MTUS2: variants seen among roughly 807,000 people sequenced by gnomAD.
MTUS2 encodes the protein microtubule associated scaffold protein 2, also known as microtubule-associated tumor suppressor candidate 2.
A neutral mutation model predicts 114.1 loss-of-function variants in MTUS2; 40 were observed. The ratio of observed to expected loss-of-function variants is 0.35; its 90% CI spans 0.27 to 0.46. MTUS2 has a LOEUF of 0.46. Ranked by LOEUF, MTUS2 falls within the 20% of genes least tolerant of loss-of-function variation. MTUS2 has a pLI of 1.00. For synonymous variants in MTUS2, 688 were observed against 672.0 expected (o/e 1.02, Z -0.37); for missense variants, 1,679 against 1,705.4 (o/e 0.98, Z 0.27).
chr13:29,120,774 A>G (rs772221391), intron 5 of MTUS2, among the ~76,000 whole-genome samples: 2 of 152,178 alleles, frequency 1.3e-5, no homozygotes, highest in African/African-American at 2.4e-5. Flanking sequence ...TCCCTCTATT[A>G]TTGAATTCAG....
In MTUS2 at chr13:29,105,649, G is replaced by GTT. The variant is rs71090225; in HGVS notation, c.2644+4685_2644+4686dup. On this transcript the variant is annotated intron_variant, in intron 5 of 15. Transcript: ENST00000612955. Reference sequence around the variant, plus strand: ...AAAAAAAATTAGAAGTTTTTCTCCTGTTTTTTTCTTTTTTTCCTGGTGCAC... The same window carrying GTT: ...AAAAAAAATTAGAAGTTTTTCTCCTGTTTTTTTTTCTTTTTTTCCTGGTGCAC... Among the ~76,000 whole-genome samples the GTT allele has an allele frequency of 4.1e-3, 394 of 96,502 alleles. 1 individual carries two copies. The highest frequency in any genetic ancestry group is 9.8e-3 in the Middle Eastern group (2 of 204). The allele number at this position is 96,502 out of a possible 152,430, so 63.3% of individuals were successfully genotyped here. A position where few individuals can be genotyped will look rare whatever the true frequency, so the allele number is the denominator to read the frequency against.
intron 5 of MTUS2, among the ~76,000 whole-genome samples, chr13:29,208,867 A>G (rs892599951): frequency 1.3e-5 from 2 of 152,098 alleles, no homozygotes; most frequent in African/African-American, 4.8e-5. Flanking sequence ...TCTATCTTGG[A>G]GAATGTTCCA....
intron 5 of MTUS2, among the ~76,000 whole-genome samples, chr13:29,154,815 T>C (rs9551607): frequency 0.16 from 23,983 of 152,252 alleles, 3,691 homozygotes; most frequent in African/African-American, 0.41. Flanking sequence ...GTGGATTTGC[T>C]TCACAATTCA....
intron 2 of MTUS2, among the ~76,000 whole-genome samples, chr13:28,891,039 G>GTT (rs1210278309): frequency 4.6e-5 from 7 of 152,278 alleles, no homozygotes; most frequent in African/African-American, 1.7e-4. Context: ...GCCCTACAAA[G>GTT]TGTCAGTTTT....
intron 5 of MTUS2, among the ~76,000 whole-genome samples, chr13:29,221,279 T>C (rs1463041760): frequency 6.6e-6 from 1 of 152,258 alleles, no homozygotes; most frequent in Admixed American, 6.5e-5. Flanking sequence ...GTTAGTATAT[T>C]GTTCTTACCT....
At chr13:28,933,752 T>C (rs9550422) in intron 2 of MTUS2, among the ~76,000 whole-genome samples, 12,755 of 152,086 alleles carry the variant, frequency 0.084, 600 homozygotes, top group South Asian at 0.13. Context: ...AGGAAACAAA[T>C]GCTCAGGGTC....
intron 2 of MTUS2, among the ~76,000 whole-genome samples, chr13:28,980,369 C>T (rs1165256320): frequency 3.9e-5 from 6 of 152,156 alleles, no homozygotes; most frequent in African/African-American, 1.2e-4. Context: ...ACCCTGTTTT[C>T]GTTTGCCTCA....
chr13:28,820,130 C>T (rs975845023), upstream of MTUS2, among the ~76,000 whole-genome samples: 4 of 146,936 alleles, frequency 2.7e-5, no homozygotes, highest in Non-Finnish European at 4.5e-5. Context: ...CGGCCGCCGG[C>T]CCCGCGGCTT....
At chr13:29,000,747 A>G (rs1885348803) in intron 2 of MTUS2, among the ~76,000 whole-genome samples, 1 of 152,202 alleles carries the variant, frequency 6.6e-6, no homozygotes, top group Non-Finnish European at 1.5e-5. Context: ...TTGACCTCAC[A>G]TCTGAGCCAT....
At position 29,422,452 on chromosome 13, in the gene MTUS2, T is replaced by C. The variant is rs1317807538; in HGVS notation, c.3118-17531T>C. Reference sequence around the variant, plus strand: ...GGTAGGTAATGCTTATCATTAGTTATTGCTCCAAAACACAGTGTTCATAAA... The same window carrying C: ...GGTAGGTAATGCTTATCATTAGTTACTGCTCCAAAACACAGTGTTCATAAA... On this transcript the variant is annotated intron_variant, in intron 8 of 15. Transcript: ENST00000612955. Among the ~76,000 whole-genome samples, 6 of 152,326 alleles carry C rather than the reference T, an allele frequency of 3.9e-5. No homozygotes were observed. In the East Asian group the frequency reaches 1.2e-3, roughly 29 times the overall value.
chr13:29,220,181 A>G (rs953082696), intron 5 of MTUS2, among the ~76,000 whole-genome samples: 1 of 151,866 alleles, frequency 6.6e-6, no homozygotes, highest in Non-Finnish European at 1.5e-5. Context: ...TTTTTTTTTA[A>G]GTAGAGATGG....
At chr13:29,346,004 C>A (rs964197668) in intron 7 of MTUS2, among the ~76,000 whole-genome samples, 2 of 152,222 alleles carry the variant, frequency 1.3e-5, no homozygotes, top group Non-Finnish European at 2.9e-5. Flanking sequence ...CCTCTGATGT[C>A]ATCTGTCTTC....
rs138152885 is a variant in MTUS2, at chr13:29,351,860, C to T, written c.2906-7402C>T. 6.8e-3 allele frequency among the ~76,000 whole-genome samples: 1,030 copies of T among 152,012 alleles called. 13 individuals carry two copies. The highest frequency in any genetic ancestry group is 0.034 in the South Asian group (163 of 4,790). ...AAACACCTGAGCTCAAGCCATCGTC[C>T]CGCCTTGGCCTCTCAAAGTGCTGGG... On this transcript the variant is annotated intron_variant, in intron 7 of 15. Coordinates refer to ENST00000612955, the MANE Select transcript of MTUS2 (RefSeq NM_001033602.4).
At chr13:28,925,899 GA>G (rs1881302942) in intron 2 of MTUS2, among the ~76,000 whole-genome samples, 1 of 152,192 alleles carries the variant, frequency 6.6e-6, no homozygotes, top group Non-Finnish European at 1.5e-5. Flanking sequence ...ATGACTATGG[GA>G]ATTAGAATAC....
chr13:29,107,693 A>T (rs1366947289), intron 5 of MTUS2, among the ~76,000 whole-genome samples: 1 of 152,174 alleles, frequency 6.6e-6, no homozygotes, highest in Non-Finnish European at 1.5e-5. Context: ...CCTTGGATAT[A>T]CTTAATTGTT....
chr13:29,050,745 G>A (rs1398491737), intron 4 of MTUS2, among the ~76,000 whole-genome samples: 1 of 152,218 alleles, frequency 6.6e-6, no homozygotes, highest in Non-Finnish European at 1.5e-5. Context: ...TTGAGAATAT[G>A]CCATGTTGGT....
At position 29,359,171 on chromosome 13, in the gene MTUS2, T is replaced by C. The variant is rs1870013539; in HGVS notation, c.2906-91T>C. Reference sequence around the variant, plus strand: ...CGTGGGCAATTTCTTCTCTACCACTTGAAGAACTCCTTGTGTAATAAGAAG... The same window carrying C: ...CGTGGGCAATTTCTTCTCTACCACTCGAAGAACTCCTTGTGTAATAAGAAG... On this transcript the variant is annotated intron_variant, in intron 7 of 15. Transcript: ENST00000612955. 3.2e-6 allele frequency: 4 copies of C among 1,235,390 alleles called. No individual in the cohort carries two copies. In the Admixed American group the frequency reaches 1.1e-4, roughly 35 times the overall value. 76.5% of individuals were successfully genotyped at this position (1,235,390 alleles called of 1,614,324 possible).
chr13:29,198,415 T>C (rs753155241), intron 5 of MTUS2, among the ~76,000 whole-genome samples: 18 of 152,192 alleles, frequency 1.2e-4, no homozygotes, highest in Non-Finnish European at 2.9e-5. Flanking sequence ...CTCTGTTCTG[T>C]TCCATTGGTC....
chr13:29,364,388 C>T (rs1181531380), intron 8 of MTUS2, among the ~76,000 whole-genome samples: 2 of 152,090 alleles, frequency 1.3e-5, no homozygotes, highest in African/African-American at 2.4e-5. Flanking sequence ...TCTTTAAGCC[C>T]TTGGTAAATT....
Sources: gnomAD v4.1 joint callset for allele counts (sites outside exome capture counted in the v4.1 genomes callset) on GRCh38, gnomAD v4.1.1 for gene constraint, MANE v1.5 for transcripts, NCBI Gene and HGNC (gene_info 2026-07-23, HGNC 2026-07-21) for gene names.